The following LRRTM3 variants were observed in gnomAD, a reference collection of about 807,000 sequenced individuals.
LRRTM3 encodes leucine rich repeat transmembrane neuronal 3.
LRRTM3 carries 24 observed loss-of-function variants against 44.7 expected under a neutral mutation model. The observed-to-expected ratio is 0.54, with a 90% CI of 0.39 to 0.76. The LOEUF (loss-of-function observed/expected upper bound fraction) is 0.76, where lower values mean the gene tolerates loss of function less well. Among genes scored for constraint, LRRTM3 ranks in the 30% least tolerant of loss-of-function variants. The probability of loss-of-function intolerance (pLI) is 0.00; values close to 1 mark genes in which losing one functional copy is unlikely to be tolerated. For missense variants in LRRTM3, 587 were observed against 702.2 expected, an observed-to-expected ratio of 0.84 and a Z score of 1.85; for synonymous variants, 277 against 278.7, an observed-to-expected ratio of 0.99 and a Z score of 0.06.
At chr10:67,025,128 TCAAAAA>T (rs1853277738) in intron 2 of LRRTM3, among the ~76,000 whole-genome samples, 1 of 25,706 alleles carries the variant, frequency 3.9e-5, no homozygotes, top group South Asian at 2.0e-3. Flanking sequence ...CAAAACTCTG[TCAAAAA>T]CAAAAAAAAA....
intron 2 of LRRTM3, among the ~76,000 whole-genome samples, chr10:66,997,618 T>A (rs2132966183): frequency 6.6e-6 from 1 of 152,294 alleles, no homozygotes; most frequent in East Asian, 1.9e-4. Context: ...GGGTTCTGGA[T>A]GTTCTTCCCC....
intron 2 of LRRTM3, among the ~76,000 whole-genome samples, chr10:67,008,783 A>G (rs1459935552): frequency 2.0e-5 from 3 of 152,196 alleles, no homozygotes; most frequent in African/African-American, 7.2e-5. Context: ...AAAACAGCAA[A>G]ATAAGACAGA....
chr10:66,989,922 A>G (rs1850951113), intron 2 of LRRTM3, among the ~76,000 whole-genome samples: 2 of 152,164 alleles, frequency 1.3e-5, no homozygotes, highest in Admixed American at 6.6e-5. Flanking sequence ...TTAGTGTTCA[A>G]GAAATATTTG....
At chr10:67,081,720 C>T (rs1365932548) in intron 2 of LRRTM3, among the ~76,000 whole-genome samples, 2 of 152,144 alleles carry the variant, frequency 1.3e-5, no homozygotes, top group African/African-American at 4.8e-5. Context: ...CTGTCTCATG[C>T]CTCTGCACTT....
intron 2 of LRRTM3, among the ~76,000 whole-genome samples, chr10:67,057,736 A>C (rs899885182): frequency 2.0e-5 from 3 of 152,000 alleles, no homozygotes; most frequent in Non-Finnish European, 4.4e-5. Flanking sequence ...CACCACCACG[A>C]TGAGCTTCTT....
At chr10:66,951,710 A>C (rs1323035278) in intron 2 of LRRTM3, among the ~76,000 whole-genome samples, 1 of 152,176 alleles carries the variant, frequency 6.6e-6, no homozygotes, top group African/African-American at 2.4e-5. Context: ...CCAAAAAGGA[A>C]ACTGGATTAC....
At chr10:67,049,728 G>A (rs1360669603) in intron 2 of LRRTM3, among the ~76,000 whole-genome samples, 5 of 151,998 alleles carry the variant, frequency 3.3e-5, no homozygotes, top group Admixed American at 2.0e-4. Context: ...CTGCCTATTC[G>A]GCCTCAGTCT....
chr10:67,011,338 CAAA>C (rs764795305), intron 2 of LRRTM3, among the ~76,000 whole-genome samples: 2 of 62,364 alleles, frequency 3.2e-5, no homozygotes, highest in African/African-American at 5.9e-5. Flanking sequence ...AAGTCTGTCT[CAAA>C]AAAAAAAAAA....
chr10:67,100,301 A>T lies in LRRTM3; in HGVS notation c.*2505A>T, dbSNP rs1390169932. 6.6e-6 allele frequency among the ~76,000 whole-genome samples: 1 copy of T among 151,726 alleles called. No homozygotes were observed. Among genetic ancestry groups the T allele is most frequent in the African/African-American group, 2.4e-5 (1 of 41,390 alleles). Reference sequence around the variant, plus strand: ...GCAACCAAGGCCCTAAGCTACACCAAATACGCCAGGAATTTTGAGACTTCT... The same window carrying T: ...GCAACCAAGGCCCTAAGCTACACCATATACGCCAGGAATTTTGAGACTTCT... On this transcript the variant is annotated 3_prime_UTR_variant, in exon 3 of 3. Transcript: ENST00000361320.
chr10:67,005,880 A>C (rs1441408256), intron 2 of LRRTM3, among the ~76,000 whole-genome samples: 1 of 151,286 alleles, frequency 6.6e-6, no homozygotes, highest in Non-Finnish European at 1.5e-5. Flanking sequence ...GAGGCAGGGT[A>C]TCACCATGTT....
Position 66,928,252 on chromosome 10 carries a change from C to T in LRRTM3, c.1336C>T (p.Pro446Ser). The change falls in exon 2 of 3, where the codon CCT becomes TCT. Residue 446 changes from proline (P) to serine (S), a missense_variant. Pro to Ser is a moderately conservative substitution (Grantham distance 74). Coordinates refer to ENST00000361320, the MANE Select transcript of LRRTM3 (RefSeq NM_178011.5). ...LVIYVSWKRYPASMKQLQQRS... is the reference protein window; with the variant it reads ...LVIYVSWKRYSASMKQLQQRS... ...TATCTACGTGTCATGGAAGCGGTAC[C>T]CTGCGAGCATGAAGCAGCTGCAGCA... is the stretch of plus-strand genomic sequence containing the variant. 1 of 1,614,112 alleles carries T rather than the reference C, an allele frequency of 6.2e-7. No individual in the cohort carries two copies. The highest frequency in any genetic ancestry group is 8.5e-7 in the Non-Finnish European group (1 of 1,180,034).
At chr10:67,049,605 G>T (rs1054789253) in intron 2 of LRRTM3, among the ~76,000 whole-genome samples, 1 of 151,950 alleles carries the variant, frequency 6.6e-6, no homozygotes, top group Admixed American at 6.6e-5. Flanking sequence ...ACAAAAAAGG[G>T]AAAATAAACA....
At chr10:67,008,327 C>G (rs1392675386) in intron 2 of LRRTM3, among the ~76,000 whole-genome samples, 2 of 152,032 alleles carry the variant, frequency 1.3e-5, no homozygotes, top group East Asian at 3.9e-4. Context: ...CCATAGTGCT[C>G]ATGGTTTTTA....
At chr10:67,081,398 G>A (rs1424518418) in intron 2 of LRRTM3, among the ~76,000 whole-genome samples, 2 of 152,112 alleles carry the variant, frequency 1.3e-5, no homozygotes, top group Admixed American at 6.5e-5. Context: ...TACTATTTCA[G>A]GAAACACAAA....
chr10:66,995,596 C>T (rs1851283072), intron 2 of LRRTM3, among the ~76,000 whole-genome samples: 1 of 152,164 alleles, frequency 6.6e-6, no homozygotes, highest in African/African-American at 2.4e-5. Flanking sequence ...ACATTATTCC[C>T]TGGCTCTTGT....
In LRRTM3 at chr10:66,957,053, T is replaced by G. The variant is rs939199918; in HGVS notation, c.1536+28601T>G. ...ACAAACAGCCATAATGCTACCTAGC[T>G]CTGTCTAAATTGAATTCATGACATG... is the stretch of plus-strand genomic sequence containing the variant. On this transcript the variant is annotated intron_variant, in intron 2 of 2. Coordinates refer to ENST00000361320, the MANE Select transcript of LRRTM3 (RefSeq NM_178011.5). Among the ~76,000 whole-genome samples the G allele has an allele frequency of 2.0e-5, 3 of 152,186 alleles. No homozygotes were observed. In the East Asian group the frequency reaches 5.8e-4, roughly 29 times the overall value.
At chr10:66,966,278 A>G (rs561596625) in intron 2 of LRRTM3, among the ~76,000 whole-genome samples, 1 of 152,234 alleles carries the variant, frequency 6.6e-6, no homozygotes, top group East Asian at 1.9e-4. Flanking sequence ...TGTGTAGACA[A>G]TTAAATTAAT....
intron 2 of LRRTM3, among the ~76,000 whole-genome samples, chr10:67,042,978 T>C (rs937673711): frequency 1.3e-5 from 2 of 152,094 alleles, no homozygotes; most frequent in African/African-American, 4.8e-5. Context: ...TAGGTCTCCA[T>C]ACCTGAGGAA....
intron 2 of LRRTM3, among the ~76,000 whole-genome samples, chr10:67,024,468 G>T (rs1248958196): frequency 2.0e-5 from 3 of 152,186 alleles, no homozygotes; most frequent in Non-Finnish European, 4.4e-5. Context: ...TAACATAGTT[G>T]CAGGTTCTGG....
Sources: gnomAD v4.1 joint callset for allele counts (sites outside exome capture counted in the v4.1 genomes callset) on GRCh38, gnomAD v4.1.1 for gene constraint, MANE v1.5 for transcripts, NCBI Gene and HGNC (gene_info 2026-07-23, HGNC 2026-07-21) for gene names.